Variants in HSPA14 observed in about 807,000 individuals in gnomAD.
HSPA14 encodes the protein heat shock 70 kDa protein 14.
HSPA14 carries 37 observed loss-of-function variants against 65.5 expected under a neutral mutation model. The observed-to-expected ratio is 0.56, with a 90% CI of 0.43 to 0.74. HSPA14 has a LOEUF of 0.74. Ranked by LOEUF, HSPA14 falls within the 30% of genes least tolerant of loss-of-function variation. HSPA14 has a pLI of 0.00. For missense variants in HSPA14, 564 were observed against 607.6 expected, an observed-to-expected ratio of 0.93 and a Z score of 0.75; for synonymous variants, 203 against 214.2, an observed-to-expected ratio of 0.95 and a Z score of 0.46.
chr10:14,843,898 C>A (rs1278578007), intron 3 of HSPA14: 1 of 1,536,168 alleles, frequency 6.5e-7, no homozygotes, highest in South Asian at 1.2e-5. Flanking sequence ...AAGCTAGGAA[C>A]CAATTACAAA....
intron 10 of HSPA14, among the ~76,000 whole-genome samples, chr10:14,862,090 G>C (rs1292023718): frequency 6.7e-6 from 1 of 148,194 alleles, no homozygotes; most frequent in Non-Finnish European, 1.5e-5. Context: ...GCAGTGGCAC[G>C]ATCTCGGCTC....
chr10:14,847,827 C>T (rs1834073373), intron 3 of HSPA14, among the ~76,000 whole-genome samples: 1 of 152,180 alleles, frequency 6.6e-6, no homozygotes, highest in East Asian at 1.9e-4. Context: ...TCAGAGATTT[C>T]TATCCCGCTC....
At position 14,840,087 on chromosome 10, in the gene HSPA14, G is replaced by T. The variant is rs780399435; in HGVS notation, c.151G>T (p.Ala51Ser). Reference protein sequence around the residue: ...YSENEEIVGLAAKQSRIRNIS... With the variant: ...YSENEEIVGLSAKQSRIRNIS... ...TTTTTTTTTTCAGATTGTTGGATTG[G>T]CAGCAAAACAAAGTAGAATAAGAAA... The change falls in exon 3 of 14, where the codon GCA becomes TCA. Residue 51 changes from alanine (A) to serine (S), a missense_variant. Coordinates refer to ENST00000378372, the MANE Select transcript of HSPA14 (RefSeq NM_016299.4). The T allele has an allele frequency of 1.3e-5, 18 of 1,417,292 alleles. No homozygotes were observed. The highest frequency in any genetic ancestry group is 2.4e-4 in the Middle Eastern group (1 of 4,128). The allele number at this position is 1,417,292 out of a possible 1,614,324, so 87.8% of individuals were successfully genotyped here.
intron 9 of HSPA14, among the ~76,000 whole-genome samples, chr10:14,854,954 C>T (rs1041468478): frequency 5.9e-5 from 9 of 152,160 alleles, no homozygotes; most frequent in Admixed American, 3.9e-4. Context: ...CAGCTATGCT[C>T]CAGATCTTTG....
intron 8 of HSPA14, 133 bp downstream of exon 8, chr10:14,852,664 A>G (rs978598162): frequency 8.3e-6 from 6 of 725,474 alleles, no homozygotes. Context: ...TGGAAACTGG[A>G]TATTTTCATA....
intron 12 of HSPA14, among the ~76,000 whole-genome samples, chr10:14,868,179 T>G (rs1832823274): frequency 6.6e-6 from 1 of 152,174 alleles, no homozygotes; most frequent in Non-Finnish European, 1.5e-5. Context: ...GTTAGGTAAG[T>G]GGAATGGGAG....
At position 14,842,815 on chromosome 10, in the gene HSPA14, T is replaced by C; in HGVS notation, c.221+2658T>C. 5.9e-6 allele frequency: 9 copies of C among 1,535,994 alleles called. No individual in the cohort carries two copies. Among genetic ancestry groups the C allele is most frequent in the Non-Finnish European group, 7.0e-6 (8 of 1,146,772 alleles). Reference sequence around the variant, plus strand: ...ACCGGATACGAGAAACCAGTGACCTTGAGGACTCCTGGGATGAATCCTCGG... The same window carrying C: ...ACCGGATACGAGAAACCAGTGACCTCGAGGACTCCTGGGATGAATCCTCGG... On this transcript the variant is annotated intron_variant, in intron 3 of 13. Coordinates refer to ENST00000378372, the MANE Select transcript of HSPA14 (RefSeq NM_016299.4). This position sits in a 1 kb window ranked among gnomAD's most constrained non-coding sequence, Gnocchi z 5.2.
At position 14,861,213 on chromosome 10, in the gene HSPA14, G is replaced by C. The variant is rs1564325264; in HGVS notation, c.993+5270G>C. 2.6e-5 allele frequency among the ~76,000 whole-genome samples: 4 copies of C among 152,136 alleles called. No individual in the cohort carries two copies. In the South Asian group the frequency reaches 8.3e-4, roughly 31 times the overall value. On this transcript the variant is annotated intron_variant, in intron 10 of 13. Transcript: ENST00000378372. ...ACAACTCTCAAGTTGTGTTACAAGGGCAATAGGAAAATGGGGTGGTTGAGG... is the reference window on the plus strand; with the variant it reads ...ACAACTCTCAAGTTGTGTTACAAGGCCAATAGGAAAATGGGGTGGTTGAGG...
intron 10 of HSPA14, among the ~76,000 whole-genome samples, chr10:14,860,904 G>T (rs1291491890): frequency 2.0e-5 from 3 of 152,122 alleles, no homozygotes; most frequent in African/African-American, 7.2e-5. Flanking sequence ...ATGGGATCTT[G>T]GGACATTTGC....
At chr10:14,864,951 G>A (rs1832792280) in intron 10 of HSPA14, among the ~76,000 whole-genome samples, 1 of 152,144 alleles carries the variant, frequency 6.6e-6, no homozygotes, top group Non-Finnish European at 1.5e-5. Context: ...CAGTGTAAGT[G>A]TTCCTATTTC....
chr10:14,847,419 T>A (rs1834069027), intron 3 of HSPA14, among the ~76,000 whole-genome samples: 1 of 152,186 alleles, frequency 6.6e-6, no homozygotes, highest in Non-Finnish European at 1.5e-5. Context: ...AAATACTGAG[T>A]TTAGGAAAAG....
At position 14,840,113 on chromosome 10, in the gene HSPA14, T is replaced by C. The variant is rs768850883; in HGVS notation, c.177T>C (p.Asn59=). Residue 59 remains asparagine, a synonymous_variant, in exon 3 of 14, where the codon AAT becomes AAC. Coordinates refer to ENST00000378372, the MANE Select transcript of HSPA14 (RefSeq NM_016299.4). ...CAGCAAAACAAAGTAGAATAAGAAA[T>C]ATTTCAAATACAGTAATGAAAGTAA... is the stretch of plus-strand genomic sequence containing the variant. ...GLAAKQSRIR[N]ISNTVMKVKQ... is the part of the protein sequence containing the mutation. 1.4e-6 allele frequency: 2 copies of C among 1,475,254 alleles called. No homozygotes were observed. The highest frequency in any genetic ancestry group is 9.1e-7 in the Non-Finnish European group (1 of 1,101,576). The allele number at this position is 1,475,254 out of a possible 1,614,324, so 91.4% of individuals were successfully genotyped here. A position where few individuals can be genotyped will look rare whatever the true frequency, so the allele number is the denominator to read the frequency against.
At position 14,852,545 on chromosome 10, in the gene HSPA14, G is replaced by C. The variant is rs763621708; in HGVS notation, c.734+14G>C. 10 of 1,598,366 alleles carry C rather than the reference G, an allele frequency of 6.3e-6. No homozygotes were observed. Among genetic ancestry groups the C allele is most frequent in the South Asian group, 1.1e-5 (1 of 88,680 alleles). ...TGAGTTCCAAAGGTGAGTGTTAATG[G>C]CCTGAATAATACCTTCTGATTGAGG... On this transcript the variant is annotated intron_variant, in intron 8 of 13. Transcript: ENST00000378372.
chr10:14,861,260 G>A (rs1832748038), intron 10 of HSPA14, among the ~76,000 whole-genome samples: 1 of 152,130 alleles, frequency 6.6e-6, no homozygotes, highest in South Asian at 2.1e-4. Flanking sequence ...AGATGTATCT[G>A]TAAGTGGGGA....
chr10:14,862,030 A>ATTT (rs140405636), intron 10 of HSPA14, among the ~76,000 whole-genome samples: 1 of 133,722 alleles, frequency 7.5e-6, no homozygotes. Context: ...AAAGAAATAG[A>ATTT]TTTTTTTTTT....
intron 3 of HSPA14, 115 bp from the exon 4 acceptor site, chr10:14,848,494 T>C: frequency 1.5e-6 from 1 of 663,286 alleles, no homozygotes; most frequent in Non-Finnish European, 2.5e-6. Flanking sequence ...TTAATAACTT[T>C]GTTAATATTT....
chr10:14,854,145 G>A lies in HSPA14; in HGVS notation c.755G>A (p.Arg252Lys), dbSNP rs987270661. ...TTTAGATCCTTCAAACATGATGTGAGAGGAAATGCGCGAGCCATGATGAAA... is the reference window on the plus strand; with the variant it reads ...TTTAGATCCTTCAAACATGATGTGAAAGGAAATGCGCGAGCCATGATGAAA... ...EFQRSFKHDV[R>K]GNARAMMKLT... Residue 252 changes from arginine (R) to lysine (K), a missense_variant, in exon 9 of 14, where the codon AGA becomes AAA. Transcript: ENST00000378372. 6.2e-7 allele frequency: 1 copy of A among 1,605,072 alleles called. No individual in the cohort carries two copies. Among genetic ancestry groups the A allele is most frequent in the Non-Finnish European group, 8.5e-7 (1 of 1,177,584 alleles).
Position 14,848,810 on chromosome 10 carries a change from A to G in HSPA14, c.291A>G (p.Lys97=). ...SKCLVIEKNG[K]LRYEIDTGEE... ...TATAGGTCATTGAAAAAAATGGGAA[A>G]TTACGATATGAAATAGATACTGGAG... is the stretch of plus-strand genomic sequence containing the variant. Residue 97 remains lysine, a synonymous_variant, in exon 5 of 14, where the codon AAA becomes AAG. Coordinates refer to ENST00000378372, the MANE Select transcript of HSPA14 (RefSeq NM_016299.4). 6.3e-7 allele frequency: 1 copy of G among 1,576,072 alleles called. No individual in the cohort carries two copies. The highest frequency in any genetic ancestry group is 2.2e-5 in the East Asian group (1 of 44,460).
In HSPA14 at chr10:14,867,243, T is replaced by C; in HGVS notation, c.1154T>C (p.Leu385Ser). The C allele has an allele frequency of 6.2e-7, 1 of 1,613,914 alleles. No homozygotes were observed. Among genetic ancestry groups the C allele is most frequent in the African/African-American group, 1.3e-5 (1 of 75,052 alleles). ...AGILIGKENL[L>S]VEDSLMIECS... ...ATTCTTATTGGGAAAGAAAACCTGT[T>C]GGTGGAAGACTCTCTTATGATAGAG... Residue 385 changes from leucine (L) to serine (S), a missense_variant, in exon 11 of 14, where the codon TTG becomes TCG. Transcript: ENST00000378372.
Sources: gnomAD v4.1 joint callset for allele counts (sites outside exome capture counted in the v4.1 genomes callset) on GRCh38, gnomAD v4.1.1 for gene constraint, Gnocchi (gnomAD v3.1) non-coding constraint, MANE v1.5 for transcripts, NCBI Gene and HGNC (gene_info 2026-07-23, HGNC 2026-07-21) for gene names.